DDHD1: variants seen among roughly 807,000 people sequenced by gnomAD.
DDHD1 encodes the protein phospholipase DDHD1.
In DDHD1, 49 loss-of-function variants were observed where a neutral mutation model predicts 96.4. The observed-to-expected ratio is 0.51, with a 90% CI of 0.40 to 0.64. DDHD1 has a LOEUF of 0.64. Ranked by LOEUF, DDHD1 falls within the 30% of genes least tolerant of loss-of-function variation. The probability of loss-of-function intolerance (pLI) is 0.00; values close to 1 mark genes in which losing one functional copy is unlikely to be tolerated. For missense variants in DDHD1, 1,106 were observed against 1,161.2 expected (o/e 0.95, Z 0.69); for synonymous variants, 442 against 446.5 (o/e 0.99, Z 0.13).
At position 53,152,739 on chromosome 14, in the gene DDHD1, C is replaced by A. The variant is rs751863584; in HGVS notation, c.360G>T (p.Pro120=). 1.3e-6 allele frequency: 2 copies of A among 1,587,710 alleles called. No homozygotes were observed. Among genetic ancestry groups the A allele is most frequent in the Middle Eastern group, 1.8e-4 (1 of 5,568 alleles). The change falls in exon 1 of 13, where the codon CCG becomes CCT. Residue 120 remains proline (P), a synonymous_variant. Coordinates refer to ENST00000673822, the MANE Select transcript of DDHD1 (RefSeq NM_001160148.2). ...GGGSSLSLHP[P]QQPPLVPTNS... ...TCGTCGGGACCAGCGGAGGCTGCTG[C>A]GGCGGGTGCAGCGACAAGGAGCTGC...
rs1566497156 is a variant in DDHD1, at chr14:53,037,251, G to C, written c.*9517C>G. ...ATGACCATATGTGTTTTTGGTAGAAGGATTTATTTCCTTTTGGGAAATAAA... is the reference window on the plus strand; with the variant it reads ...ATGACCATATGTGTTTTTGGTAGAACGATTTATTTCCTTTTGGGAAATAAA... On this transcript the variant is annotated 3_prime_UTR_variant, in exon 13 of 13. Coordinates refer to ENST00000673822, the MANE Select transcript of DDHD1 (RefSeq NM_001160148.2). 2 of 152,066 alleles carry C rather than the reference G, an allele frequency of 1.3e-5. No individual in the cohort carries two copies. Among genetic ancestry groups the C allele is most frequent in the Admixed American group, 6.6e-5 (1 of 15,250 alleles). The allele number at this position is 152,066 out of a possible 1,614,324, so 9.4% of individuals were successfully genotyped here.
chr14:53,097,730 T>C lies in DDHD1; in HGVS notation c.1013-4286A>G, dbSNP rs962944265. 3.9e-5 allele frequency among the ~76,000 whole-genome samples: 6 copies of C among 152,110 alleles called. No individual in the cohort carries two copies. The South Asian group carries it at 1.2e-3, about 32-fold the overall frequency. On this transcript the variant is annotated intron_variant, in intron 2 of 12. Transcript: ENST00000673822. Reference sequence around the variant, plus strand: ...CGAAATGGGAAATGTATGGACCATTTGACCATGTTTTAAAATTATGTAAAC... The same window carrying C: ...CGAAATGGGAAATGTATGGACCATTCGACCATGTTTTAAAATTATGTAAAC...
intron 1 of DDHD1, among the ~76,000 whole-genome samples, chr14:53,120,297 A>G (rs1416201608): frequency 6.6e-6 from 1 of 151,718 alleles, no homozygotes; most frequent in East Asian, 2.0e-4. Flanking sequence ...ACAAAATAAA[A>G]ACGACACAAA....
intron 1 of DDHD1, among the ~76,000 whole-genome samples, chr14:53,143,729 A>G (rs932043646): frequency 6.6e-6 from 1 of 152,246 alleles, no homozygotes; most frequent in Non-Finnish European, 1.5e-5. Flanking sequence ...TTGGACCAGT[A>G]TAAGCATGCG....
At chr14:53,139,994 T>C (rs1309675992) in intron 1 of DDHD1, among the ~76,000 whole-genome samples, 1 of 151,954 alleles carries the variant, frequency 6.6e-6, no homozygotes, top group African/African-American at 2.4e-5. Context: ...AATTTCAGCA[T>C]GGAAATAGAA....
chr14:53,152,122 T>TG, intron 1 of DDHD1, 139 bp downstream of exon 1: 3 of 845,736 alleles, frequency 3.5e-6, no homozygotes, highest in Non-Finnish European at 5.1e-6. Flanking sequence ...CGCTCCCTGC[T>TG]CAATCTCCAT....
At chr14:53,144,160 G>A (rs1168724049) in intron 1 of DDHD1, among the ~76,000 whole-genome samples, 1 of 152,200 alleles carries the variant, frequency 6.6e-6, no homozygotes, top group South Asian at 2.1e-4. Context: ...CAGTAAATAG[G>A]TGAAAGAATA....
At chr14:53,062,080 T>A (rs1174383315) in intron 7 of DDHD1, among the ~76,000 whole-genome samples, 1 of 151,966 alleles carries the variant, frequency 6.6e-6, no homozygotes, top group Non-Finnish European at 1.5e-5. Flanking sequence ...CCATGCTTTT[T>A]TTTTCTTTTT....
intron 9 of DDHD1, 69 bp downstream of exon 9, chr14:53,058,408 C>A (rs979526527): frequency 4.6e-6 from 7 of 1,526,014 alleles, no homozygotes; most frequent in East Asian, 4.6e-5. Flanking sequence ...AGCCACTGTG[C>A]CCAGCTGATA....
chr14:53,051,240 T>G (rs933366420), intron 12 of DDHD1, among the ~76,000 whole-genome samples: 3 of 151,886 alleles, frequency 2.0e-5, no homozygotes, highest in African/African-American at 7.2e-5. Context: ...GAATCAGAAG[T>G]TAGTCATAAA....
chr14:53,051,113 G>A (rs1356690321), intron 12 of DDHD1, among the ~76,000 whole-genome samples: 1 of 147,164 alleles, frequency 6.8e-6, no homozygotes, highest in African/African-American at 2.5e-5. Flanking sequence ...TAAAGAAACT[G>A]TAAAATGAGA....
intron 1 of DDHD1, among the ~76,000 whole-genome samples, chr14:53,131,101 C>T (rs1481201532): frequency 6.6e-6 from 1 of 152,196 alleles, no homozygotes; most frequent in Non-Finnish European, 1.5e-5. Flanking sequence ...GGACAACATT[C>T]CTTTATGCAC....
intron 1 of DDHD1, among the ~76,000 whole-genome samples, chr14:53,142,070 C>T (rs925858240): frequency 6.6e-6 from 1 of 152,044 alleles, no homozygotes; most frequent in African/African-American, 2.4e-5. Flanking sequence ...ATAATAATCA[C>T]CTGATGATAA....
At chr14:53,047,505 CCCTAGTGT>C (rs925471567) in intron 12 of DDHD1, among the ~76,000 whole-genome samples, 51 of 152,280 alleles carry the variant, frequency 3.3e-4, no homozygotes, top group African/African-American at 1.2e-3. Context: ...CCCCCATAAA[CCCTAGTGT>C]CCATCCAGTC....
At chr14:53,136,578 C>A (rs1451793238) in intron 1 of DDHD1, among the ~76,000 whole-genome samples, 1 of 152,100 alleles carries the variant, frequency 6.6e-6, no homozygotes, top group Non-Finnish European at 1.5e-5. Flanking sequence ...TACCTGAAGC[C>A]AGGGAAAAGA....
At chr14:53,105,913 G>A (rs990432780) in intron 1 of DDHD1, among the ~76,000 whole-genome samples, 1 of 151,588 alleles carries the variant, frequency 6.6e-6, no homozygotes, top group Non-Finnish European at 1.5e-5. Flanking sequence ...TTGGTAGTTA[G>A]GAAAATTTTA....
At chr14:53,047,568 T>G (rs1882128082) in intron 12 of DDHD1, among the ~76,000 whole-genome samples, 3 of 152,162 alleles carry the variant, frequency 2.0e-5, no homozygotes. Context: ...GCTCATTAAG[T>G]GTTTGTTCAA....
rs568120214 is a variant in DDHD1, at chr14:53,115,784, T to C, written c.839-11928A>G. 3.9e-5 allele frequency among the ~76,000 whole-genome samples: 6 copies of C among 152,150 alleles called. No individual in the cohort carries two copies. The East Asian group carries it at 1.2e-3, about 29-fold the overall frequency. Reference sequence around the variant, plus strand: ...GCCACTGCAAAAACAAAACAAAATATAAAGACCAATGACATTATGAAGAAA... The same window carrying C: ...GCCACTGCAAAAACAAAACAAAATACAAAGACCAATGACATTATGAAGAAA... On this transcript the variant is annotated intron_variant, in intron 1 of 12. Transcript: ENST00000673822.
intron 2 of DDHD1, chr14:53,102,924 G>A (rs777825190): frequency 1.5e-5 from 16 of 1,099,874 alleles, no homozygotes; most frequent in Non-Finnish European, 2.1e-5. Context: ...AGTAGAGCTT[G>A]CCAAGAAACC....
Sources: allele counts gnomAD v4.1 joint callset (sites outside exome capture counted in the v4.1 genomes callset), GRCh38; gene constraint gnomAD v4.1.1; transcripts MANE v1.5; gene names NCBI Gene and HGNC (gene_info 2026-07-23, HGNC 2026-07-21).